The following PDE10A variants were observed in gnomAD, a reference collection of about 807,000 sequenced individuals.
PDE10A encodes the protein cAMP and cAMP-inhibited cGMP 3',5'-cyclic phosphodiesterase 10A.
PDE10A carries 39 observed loss-of-function variants against 97.7 expected under a neutral mutation model. The observed-to-expected ratio is 0.40, with a 90% confidence interval of 0.31 to 0.52. PDE10A has a LOEUF of 0.52. PDE10A is among the 20% of genes least tolerant of loss of function. The probability of loss-of-function intolerance (pLI) is 0.56; values close to 1 mark genes in which losing one functional copy is unlikely to be tolerated. For synonymous variants in PDE10A, 371 were observed against 376.8 expected (o/e 0.98, Z 0.18); for missense variants, 731 against 1,047.8 (o/e 0.70, Z 4.17).
chr6:165,518,121 G>T (rs117807372), intron 2 of PDE10A, among the ~76,000 whole-genome samples: 1 of 152,180 alleles, frequency 6.6e-6, no homozygotes, highest in Admixed American at 6.5e-5. Flanking sequence ...CTCTGATGTT[G>T]CTAGAAAACA....
intron 1 of PDE10A, among the ~76,000 whole-genome samples, chr6:165,857,049 C>G (rs997116106): frequency 6.6e-6 from 1 of 152,162 alleles, no homozygotes; most frequent in African/African-American, 2.4e-5. Flanking sequence ...ATACGCAGAC[C>G]TGTTTTAATG....
rs553246001 is a variant in PDE10A, at chr6:165,969,624, T to C, written c.-615+17905A>G. Among the ~76,000 whole-genome samples the C allele has an allele frequency of 1.4e-4, 21 of 152,168 alleles. No homozygotes were observed. In the South Asian group the frequency reaches 2.7e-3, roughly 20 times the overall value. On this transcript the variant is annotated intron_variant, in intron 1 of 19. Coordinates refer to the PDE10A transcript ENST00000366882. ...CGCAATTACTTTTGCACCAACCTAA[T>C]AGATTAAATACAGAAAAAAATACAG...
intron 2 of PDE10A, among the ~76,000 whole-genome samples, chr6:165,535,420 C>G (rs913311831): frequency 6.6e-6 from 1 of 151,890 alleles, no homozygotes; most frequent in Non-Finnish European, 1.5e-5. Context: ...ATTCCACTCT[C>G]TATGTCCATG....
intron 1 of PDE10A, among the ~76,000 whole-genome samples, chr6:165,873,341 C>G (rs1163846408): frequency 2.0e-5 from 3 of 152,086 alleles, no homozygotes; most frequent in Non-Finnish European, 4.4e-5. Flanking sequence ...AGAACAAAAC[C>G]CCGACAGCAA....
intron 2 of PDE10A, among the ~76,000 whole-genome samples, chr6:165,532,428 A>C (rs538492402): frequency 6.6e-6 from 1 of 152,090 alleles, no homozygotes; most frequent in East Asian, 1.9e-4. Flanking sequence ...GCAACTAATT[A>C]GACCATAATT....
intron 2 of PDE10A, among the ~76,000 whole-genome samples, chr6:165,533,979 T>C (rs1484791055): frequency 6.6e-6 from 1 of 152,096 alleles, no homozygotes; most frequent in Non-Finnish European, 1.5e-5. Flanking sequence ...GCATAAGTGA[T>C]TTCCCTAACC....
At chr6:165,722,356 A>G (rs1792186415) in intron 1 of PDE10A, among the ~76,000 whole-genome samples, 1 of 152,234 alleles carries the variant, frequency 6.6e-6, no homozygotes, top group Admixed American at 6.5e-5. Context: ...TGCTAGAACA[A>G]TACCAGGTAA....
chr6:165,843,214 G>A (rs1262118251), intron 1 of PDE10A, among the ~76,000 whole-genome samples: 1 of 152,226 alleles, frequency 6.6e-6, no homozygotes, highest in African/African-American at 2.4e-5. Flanking sequence ...GGACTGCACA[G>A]CAACAGAATC....
intron 3 of PDE10A, among the ~76,000 whole-genome samples, chr6:165,458,711 T>C (rs1476972402): frequency 1.3e-5 from 2 of 152,014 alleles, no homozygotes; most frequent in South Asian, 4.1e-4. Context: ...GTTTTATAAA[T>C]ATGTTTTAAT....
intron 1 of PDE10A, among the ~76,000 whole-genome samples, chr6:165,811,743 T>C (rs1218060071): frequency 2.0e-5 from 3 of 152,260 alleles, no homozygotes; most frequent in Non-Finnish European, 4.4e-5. Context: ...TTGTTCTGAG[T>C]TGAAATGATC....
chr6:165,850,490 C>T (rs914705140), intron 1 of PDE10A, among the ~76,000 whole-genome samples: 2 of 152,160 alleles, frequency 1.3e-5, no homozygotes, highest in African/African-American at 4.8e-5. Flanking sequence ...CCCTCACACA[C>T]GGTAAAACCA....
chr6:165,951,736 C>T (rs73027573), intron 1 of PDE10A, among the ~76,000 whole-genome samples: 28 of 152,282 alleles, frequency 1.8e-4, no homozygotes, highest in Non-Finnish European at 3.1e-4. Flanking sequence ...TTTTAGGCTC[C>T]TCTCCCACTG....
upstream of PDE10A, among the ~76,000 whole-genome samples, chr6:165,665,713 G>GA (rs1790481840): frequency 6.6e-6 from 1 of 151,174 alleles, no homozygotes; most frequent in South Asian, 2.1e-4. Flanking sequence ...AAAACTAAAA[G>GA]AATATTAAGA....
At chr6:165,434,347 GA>G (rs1317084736) in intron 6 of PDE10A, among the ~76,000 whole-genome samples, 2 of 148,026 alleles carry the variant, frequency 1.4e-5, no homozygotes, top group African/African-American at 2.5e-5. Flanking sequence ...AATAATGGTG[GA>G]AAAACCAAAA....
At chr6:165,697,758 T>C (rs568729424) in intron 1 of PDE10A, among the ~76,000 whole-genome samples, 1 of 152,184 alleles carries the variant, frequency 6.6e-6, no homozygotes, top group Admixed American at 6.5e-5. Flanking sequence ...GTTTGGGAAA[T>C]TGAAAAAGCT....
At chr6:165,693,551 A>AAAT (rs1182564763) in intron 1 of PDE10A, among the ~76,000 whole-genome samples, 2 of 146,812 alleles carry the variant, frequency 1.4e-5, no homozygotes, top group Non-Finnish European at 3.0e-5. Context: ...AAAAAAAAAA[A>AAAT]ACCGAGTGCA....
At chr6:165,544,254 T>C (rs1199161308) in intron 1 of PDE10A, among the ~76,000 whole-genome samples, 2 of 152,254 alleles carry the variant, frequency 1.3e-5, no homozygotes, top group Non-Finnish European at 2.9e-5. Flanking sequence ...TAACTAATGT[T>C]CAGTTCAGAA....
At chr6:165,431,158 C>T (rs1172637918) in intron 8 of PDE10A, among the ~76,000 whole-genome samples, 1 of 151,630 alleles carries the variant, frequency 6.6e-6, no homozygotes, top group African/African-American at 2.4e-5. Context: ...AGGACATATG[C>T]CATTTATTGC....
intron 1 of PDE10A, among the ~76,000 whole-genome samples, chr6:165,559,320 C>T (rs1246569383): frequency 2.0e-5 from 3 of 152,204 alleles, no homozygotes; most frequent in Non-Finnish European, 4.4e-5. Flanking sequence ...GAGGGATATA[C>T]GTGGAAGTCA....
Sources: gnomAD v4.1 joint callset for allele counts (sites outside exome capture counted in the v4.1 genomes callset) on GRCh38, gnomAD v4.1.1 for gene constraint, MANE v1.5 for transcripts, NCBI Gene and HGNC (gene_info 2026-07-23, HGNC 2026-07-21) for gene names.